The following WWOX variants were observed in gnomAD, a reference collection of about 807,000 sequenced individuals.
WWOX encodes the protein WW domain containing oxidoreductase, also known as WW domain-containing oxidoreductase.
Under a neutral mutation model 46.2 loss-of-function variants are expected in WWOX, and 69 were observed. The observed-to-expected ratio is 1.49, with a 90% CI of 1.23 to 1.82. WWOX has a LOEUF of 1.82. Ranked by LOEUF, WWOX falls within the 40% of genes most tolerant of loss-of-function variation. WWOX has a pLI of 0.00. For synonymous variants in WWOX, 359 were observed against 202.6 expected, an observed-to-expected ratio of 1.77 and a Z score of -6.56; for missense variants, 919 against 542.6, an observed-to-expected ratio of 1.69 and a Z score of -6.89.
chr16:78,420,389 A>T (rs1262437284), intron 6 of WWOX, among the ~76,000 whole-genome samples: 3 of 152,200 alleles, frequency 2.0e-5, no homozygotes, highest in Non-Finnish European at 2.9e-5. Flanking sequence ...TGGTGAATGG[A>T]TAAACAAAGC....
intron 4 of WWOX, among the ~76,000 whole-genome samples, chr16:78,150,624 C>G (rs764216479): frequency 6.6e-6 from 1 of 152,124 alleles, no homozygotes; most frequent in Non-Finnish European, 1.5e-5. Flanking sequence ...CTCAAGCAAT[C>G]CTCCTGCCTC....
At chr16:79,140,478 C>G (rs758142044) in intron 8 of WWOX, among the ~76,000 whole-genome samples, 1 of 152,166 alleles carries the variant, frequency 6.6e-6, no homozygotes, top group African/African-American at 2.4e-5. Flanking sequence ...GAAGTCCAGT[C>G]CTTTTGGAGT....
At chr16:78,529,051 T>C (rs2151510143) in intron 8 of WWOX, among the ~76,000 whole-genome samples, 1 of 151,542 alleles carries the variant, frequency 6.6e-6, no homozygotes, top group East Asian at 1.9e-4. Flanking sequence ...CCTCTCTGGC[T>C]CCAGTGATCC....
chr16:78,156,266 T>C (rs2034593738), intron 4 of WWOX, among the ~76,000 whole-genome samples: 1 of 151,754 alleles, frequency 6.6e-6, no homozygotes, highest in South Asian at 2.1e-4. Flanking sequence ...TTGCCGTGGG[T>C]TATTTTGTCA....
intron 8 of WWOX, among the ~76,000 whole-genome samples, chr16:78,519,859 T>A (rs567468560): frequency 6.6e-6 from 1 of 152,198 alleles, no homozygotes; most frequent in South Asian, 2.1e-4. Context: ...GAAATAAATT[T>A]GTTACTCATA....
Position 78,634,833 on chromosome 16 carries a change from AGAGAGT to A in WWOX, c.1056+202083_1056+202088del, listed in dbSNP as rs1433890458. On this transcript the variant is annotated intron_variant, in intron 8 of 8. Transcript: ENST00000566780. The stretch of plus-strand genomic sequence containing the variant: ...ACTGGAGAGAGAGAGAGAGAGAGAG[AGAGAGT>A]GTGTGTGTGTGTGTGTGTGTGTGTG... Among the ~76,000 whole-genome samples, 443 of 111,318 alleles carry A rather than the reference AGAGAGT, an allele frequency of 4.0e-3. 2 individuals carry two copies. Among genetic ancestry groups the A allele is most frequent in the East Asian group, 0.029 (135 of 4,596 alleles). The allele number at this position is 111,318 out of a possible 152,430, so 73.0% of individuals were successfully genotyped here.
chr16:78,855,248 C>G (rs185372127), intron 8 of WWOX, among the ~76,000 whole-genome samples: 5 of 152,088 alleles, frequency 3.3e-5, no homozygotes, highest in South Asian at 2.1e-4. Flanking sequence ...TGATTAAAAA[C>G]CAAAGTACTA....
At chr16:78,732,056 G>C (rs985655829) in intron 8 of WWOX, among the ~76,000 whole-genome samples, 3 of 151,930 alleles carry the variant, frequency 2.0e-5, no homozygotes, top group South Asian at 2.1e-4. Flanking sequence ...TAGAGAAAGG[G>C]TCTTGCTATG....
At chr16:79,190,364 C>T (rs532460406) in intron 8 of WWOX, among the ~76,000 whole-genome samples, 11 of 152,194 alleles carry the variant, frequency 7.2e-5, no homozygotes, top group African/African-American at 2.2e-4. Flanking sequence ...CGGGAATTAG[C>T]GTGTAGCTAT....
chr16:78,148,958 A>T (rs1183983829), intron 4 of WWOX, among the ~76,000 whole-genome samples: 3 of 148,756 alleles, frequency 2.0e-5, no homozygotes, highest in African/African-American at 7.4e-5. Context: ...AAAAAATTTC[A>T]TGCGGTGTTA....
At chr16:78,878,328 T>A (rs1597096511) in intron 8 of WWOX, among the ~76,000 whole-genome samples, 1 of 152,282 alleles carries the variant, frequency 6.6e-6, no homozygotes, top group Non-Finnish European at 1.5e-5. Flanking sequence ...GTACAGACTT[T>A]GCAGGCAGGC....
chr16:79,030,518 A>T (rs1418858115), intron 8 of WWOX, among the ~76,000 whole-genome samples: 1 of 152,206 alleles, frequency 6.6e-6, no homozygotes, highest in East Asian at 1.9e-4. Context: ...AGAGGCACTG[A>T]CACCAGACCA....
chr16:79,178,656 T>C (rs554046132), intron 8 of WWOX, among the ~76,000 whole-genome samples: 91 of 152,266 alleles, frequency 6.0e-4, no homozygotes, highest in African/African-American at 2.1e-3. Context: ...ATCTCTCCAA[T>C]CTTCGAAGAA....
intron 8 of WWOX, among the ~76,000 whole-genome samples, chr16:79,032,312 A>G (rs997732808): frequency 1.4e-5 from 2 of 146,052 alleles, no homozygotes; most frequent in Non-Finnish European, 3.0e-5. Context: ...AGACTCTAAT[A>G]TGTAGTCTAT....
At chr16:79,017,424 C>A in intron 8 of WWOX, 1 of 45,778 alleles carries the variant, frequency 2.2e-5, no homozygotes, top group Non-Finnish European at 3.8e-5. Flanking sequence ...AGCGAGAATC[C>A]ATCTCAAAAA....
intron 8 of WWOX, among the ~76,000 whole-genome samples, chr16:78,633,978 T>A (rs2046503724): frequency 6.6e-6 from 1 of 151,640 alleles, no homozygotes; most frequent in South Asian, 2.1e-4. Context: ...CTTTTATTAG[T>A]CTGAGCCCCT....
intron 1 of WWOX, among the ~76,000 whole-genome samples, chr16:78,104,231 AACACACACACAC>A (rs376622174): frequency 3.1e-4 from 41 of 130,222 alleles, no homozygotes; most frequent in Middle Eastern, 3.8e-3. Flanking sequence ...CTGTGCTCAA[AACACACACACAC>A]ACACACACAC....
intron 8 of WWOX, among the ~76,000 whole-genome samples, chr16:78,672,088 A>G (rs1037495013): frequency 4.6e-5 from 7 of 152,206 alleles, no homozygotes; most frequent in African/African-American, 1.7e-4. Flanking sequence ...ATCTTACTTC[A>G]CAACTCTCCA....
At chr16:78,260,576 G>C (rs1449321371) in intron 5 of WWOX, among the ~76,000 whole-genome samples, 1 of 151,334 alleles carries the variant, frequency 6.6e-6, no homozygotes, top group Non-Finnish European at 1.5e-5. Flanking sequence ...GCTGAGGCAG[G>C]AGAATCACTT....
Sources: gnomAD v4.1 joint callset for allele counts (sites outside exome capture counted in the v4.1 genomes callset) on GRCh38, gnomAD v4.1.1 for gene constraint, MANE v1.5 for transcripts, NCBI Gene and HGNC (gene_info 2026-07-23, HGNC 2026-07-21) for gene names.